Variants in CCDC120 observed in about 807,000 individuals in gnomAD.
The protein encoded by CCDC120 is coiled-coil domain-containing protein 120.
In CCDC120, 16 loss-of-function variants were observed where a neutral mutation model predicts 37.6. The ratio of observed to expected loss-of-function variants is 0.43; its 90% CI spans 0.29 to 0.65. CCDC120 has a LOEUF of 0.65. Ranked by LOEUF, CCDC120 falls within the 30% of genes least tolerant of loss-of-function variation. The probability of loss-of-function intolerance (pLI) is 0.18; values close to 1 mark genes in which losing one functional copy is unlikely to be tolerated. For synonymous variants in CCDC120, 309 were observed against 275.4 expected, an observed-to-expected ratio of 1.12 and a Z score of -1.21; for missense variants, 650 against 657.4, an observed-to-expected ratio of 0.99 and a Z score of 0.12.
intron 8 of CCDC120, 25 bp downstream of exon 8, chrX:49,065,653 C>T (rs1462456295): frequency 1.7e-6 from 2 of 1,205,884 alleles, no homozygotes; most frequent in Non-Finnish European, 2.2e-6. Flanking sequence ...CTCCTCCCCT[C>T]CGCAGGAGCT....
intron 1 of CCDC120, 160 bp from the exon 2 acceptor site, chrX:49,061,799 T>A: frequency 1.9e-6 from 1 of 536,901 alleles, no homozygotes; most frequent in Non-Finnish European, 2.9e-6. Context: ...CCTCTGTGCC[T>A]TCCTTTCCTC....
chrX:49,057,474 C>T (rs1406594404), upstream of CCDC120, among the ~76,000 whole-genome samples: 2 of 112,231 alleles, frequency 1.8e-5, no homozygotes, highest in African/African-American at 6.5e-5. Flanking sequence ...TCTTTGGTGG[C>T]CCATAAGAGG....
In CCDC120 at chrX:49,062,509, C is replaced by T. The variant is rs199599217; in HGVS notation, c.196C>T (p.Arg66Cys). 123 of 1,210,575 alleles carry T rather than the reference C, an allele frequency of 1.0e-4. No individual in the cohort carries two copies. The highest frequency in any genetic ancestry group is 1.3e-4 in the Non-Finnish European group (114 of 895,320). Residue 66 changes from arginine (R) to cysteine (C), a missense_variant, in exon 4 of 11, where the codon CGT (arginine) becomes TGT (cysteine). By Grantham distance (180) the Arg-to-Cys change is radical. Transcript: ENST00000603986. The part of the protein sequence containing the change: ...GEAAPQVKSE[R>C]LRGLLDRQRT... The stretch of plus-strand genomic sequence containing the variant: ...GGCTGCCCCCCAGGTGAAGTCAGAG[C>T]GTCTGCGGGGGCTGCTTGACCGGCA...
Position 49,064,579 on chromosome X carries a change from G to A in CCDC120, c.639G>A (p.Leu213=). Reference sequence around the variant, plus strand: ...GCCTTGGCCTCCCAGTGCTCCCGCTGCCCCAGCCACTGCCACTGTCCACGG... The same window carrying A: ...GCCTTGGCCTCCCAGTGCTCCCGCTACCCCAGCCACTGCCACTGTCCACGG... ...RARLGLPVLP[L]PQPLPLSTGS... Residue 213 remains leucine, a synonymous_variant, in exon 6 of 11, where the codon CTG becomes CTA. Transcript: ENST00000603986. 1 of 1,182,508 alleles carries A rather than the reference G, an allele frequency of 8.5e-7. No homozygotes were observed.
chrX:49,061,968 G>C lies in CCDC120; in HGVS notation c.-74G>C, dbSNP rs908819557. 52 of 1,134,795 alleles carry C rather than the reference G, an allele frequency of 4.6e-5. No individual in the cohort carries two copies. The African/African-American group carries it at 8.5e-4, about 19-fold the overall frequency. The allele number at this position is 1,134,795 out of a possible 1,213,427, so 93.5% of individuals were successfully genotyped here. ...AATTCTCCTTCCCCAGGCAAGACTC[G>C]TGGCTGTGACCCATGGGCCTCTGAG... On this transcript the variant is annotated 5_prime_UTR_variant, in exon 2 of 11. Coordinates refer to ENST00000603986, the MANE Select transcript of CCDC120 (RefSeq NM_001163321.4).
At chrX:49,065,352 T>C in intron 7 of CCDC120, 102 bp from the exon 8 acceptor site, 1 of 949,551 alleles carries the variant, frequency 1.1e-6, no homozygotes, top group Non-Finnish European at 1.4e-6. Context: ...GCTTAACCTG[T>C]CCCAGCACTT....
chrX:49,062,259 C>T lies in CCDC120; in HGVS notation c.88C>T (p.Pro30Ser). 8.3e-7 allele frequency: 1 copy of T among 1,210,630 alleles called. No homozygotes were observed. Among genetic ancestry groups the T allele is most frequent in the Non-Finnish European group, 1.1e-6 (1 of 894,933 alleles). Residue 30 changes from proline to serine, a missense_variant, in exon 3 of 11, where the codon CCT becomes TCT. Around this residue, in one of 3 missense-constraint regions of CCDC120, gnomAD observed 64 missense variants for 65.2 expected, o/e 0.98. Transcript: ENST00000603986. Reference protein sequence around the residue: ...ERTLSSHQPRPLDSTKMEVKG... With the variant: ...ERTLSSHQPRSLDSTKMEVKG... ...GACTTTGTCCAGCCATCAGCCACGGCCTCTCGACAGCACCAAGATGGAAGT... is the reference window on the plus strand; with the variant it reads ...GACTTTGTCCAGCCATCAGCCACGGTCTCTCGACAGCACCAAGATGGAAGT...
At chrX:49,060,427 C>CAAAAAAAAAAAA (rs58827125) in intron 1 of CCDC120, among the ~76,000 whole-genome samples, 768 of 42,072 alleles carry the variant, frequency 0.018, 80 homozygotes, top group East Asian at 0.074. Context: ...GCCCTATCTC[C>CAAAAAAAAAAAA]AAAAAAAAAA....
At position 49,061,973 on chromosome X, in the gene CCDC120, T is replaced by G. The variant is rs940253589; in HGVS notation, c.-69T>G. The stretch of plus-strand genomic sequence containing the variant: ...TCCTTCCCCAGGCAAGACTCGTGGC[T>G]GTGACCCATGGGCCTCTGAGGAGGC... On this transcript the variant is annotated 5_prime_UTR_variant, in exon 2 of 11. Transcript: ENST00000603986. 1 of 1,140,880 alleles carries G rather than the reference T, an allele frequency of 8.8e-7. No individual in the cohort carries two copies. The allele number at this position is 1,140,880 out of a possible 1,213,427, so 94.0% of individuals were successfully genotyped here. A position where few individuals can be genotyped will look rare whatever the true frequency, so the allele number is the denominator to read the frequency against.
rs2064946965 is a variant in CCDC120, at chrX:49,065,821, G to A, written c.1037G>A (p.Arg346Gln). The change falls in exon 9 of 11, where the codon CGG (arginine) becomes CAG (glutamine). Residue 346 changes from arginine to glutamine, a missense_variant. Transcript: ENST00000603986. ...GTGCCTGCCACCCCTGTCCTCACCC[G>A]GGGCGCTGGCCCCCAGCTCTGCAAG... ...RSVPATPVLT[R>Q]GAGPQLCKPE... 3 of 1,167,838 alleles carry A rather than the reference G, an allele frequency of 2.6e-6. No homozygotes were observed. Among genetic ancestry groups the A allele is most frequent in the South Asian group, 1.9e-5 (1 of 52,679 alleles).
chrX:49,067,660 C>T lies in CCDC120; in HGVS notation c.1546C>T (p.Leu516Phe), dbSNP rs372497726. The T allele has an allele frequency of 2.7e-5, 33 of 1,201,075 alleles. No individual in the cohort carries two copies. In the South Asian group the frequency reaches 4.8e-4, roughly 18 times the overall value. The change falls in exon 10 of 11, where the codon CTC (leucine) becomes TTC (phenylalanine). Residue 516 changes from leucine (L) to phenylalanine (F), a missense_variant. By Grantham distance (22) the Leu-to-Phe change is conservative. Transcript: ENST00000603986. ...AGGACCCCTCTCCCGCCGGGATGGGCTCCTCACCATGCTCCCCGGCCCACC... is the reference window on the plus strand; with the variant it reads ...AGGACCCCTCTCCCGCCGGGATGGGTTCCTCACCATGCTCCCCGGCCCACC... ...VPGPLSRRDG[L>F]LTMLPGPPPV...
chrX:49,068,364 C>T, intron 10 of CCDC120, 180 bp from the exon 11 acceptor site: 1 of 1,058,851 alleles, frequency 9.4e-7, no homozygotes, highest in Non-Finnish European at 1.2e-6. Context: ...AGGGACATCT[C>T]ATGCCCCTTG....
At chrX:49,065,321 GCCTTAGTT>G in intron 7 of CCDC120, 125 bp from the exon 8 acceptor site, 1 of 781,402 alleles carries the variant, frequency 1.3e-6, no homozygotes, top group Non-Finnish European at 1.8e-6. Context: ...CTACTTGTCA[GCCTTAGTT>G]CCTCCTCAGC....
rs1557080565 is a variant in CCDC120, at chrX:49,064,615, C to T, written c.675C>T (p.Ile225=). 1 of 1,195,804 alleles carries T rather than the reference C, an allele frequency of 8.4e-7. No individual in the cohort carries two copies. The highest frequency in any genetic ancestry group is 3.0e-5 in the East Asian group (1 of 33,079). ...QPLPLSTGSV[I]TTQGVCLGMR... ...TGCCACTGTCCACGGGGTCAGTGAT[C>T]ACCACCCAGGGAGTCTGCCTGGGCA... Residue 225 remains isoleucine (I), a synonymous_variant, in exon 6 of 11, where the codon ATC becomes ATT. Transcript: ENST00000603986.
At chrX:49,068,128 T>C in intron 10 of CCDC120, 38 bp downstream of exon 10, 4 of 1,146,959 alleles carry the variant, frequency 3.5e-6, no homozygotes, top group Non-Finnish European at 3.5e-6. Flanking sequence ...AGGGGTCTCG[T>C]AAGGCAGATG....
At chrX:49,059,176 C>T (rs2064853424) in intron 1 of CCDC120, 81 bp downstream of exon 1, 1 of 142,449 alleles carries the variant, frequency 7.0e-6, no homozygotes, top group Non-Finnish European at 1.2e-5. Flanking sequence ...ACTGAAGTTC[C>T]CTTCGGTAGA....
At chrX:49,064,262 G>A in intron 5 of CCDC120, 108 bp from the exon 6 acceptor site, 1 of 909,687 alleles carries the variant, frequency 1.1e-6, no homozygotes, top group East Asian at 3.4e-5. Flanking sequence ...CCTCCCCGGG[G>A]TGAATAGGTC....
Position 49,068,863 on chromosome X carries a change from G to C in CCDC120, c.*205G>C, listed in dbSNP as rs782128108. The stretch of plus-strand genomic sequence containing the variant: ...TCTCACACTGTGCTGGGGACTGGGG[G>C]CCCTCAGCTAGCTTAAAAGAGGGGG... On this transcript the variant is annotated 3_prime_UTR_variant, in exon 11 of 11. Coordinates refer to ENST00000603986, the MANE Select transcript of CCDC120 (RefSeq NM_001163321.4). 6 of 312,101 alleles carry C rather than the reference G, an allele frequency of 1.9e-5. No individual in the cohort carries two copies. The South Asian group carries it at 1.0e-3, about 53-fold the overall frequency. 25.7% of individuals were successfully genotyped at this position (312,101 alleles called of 1,213,427 possible).
chrX:49,065,538 G>T lies in CCDC120; in HGVS notation c.872G>T (p.Ser291Ile), dbSNP rs782063710. ...WDQLRAVSGG[S>I]PERRTPWKPP... The stretch of plus-strand genomic sequence containing the variant: ...CAGCTGCGGGCAGTATCTGGGGGGA[G>T]CCCTGAGCGGCGAACCCCATGGAAA... Residue 291 changes from serine (S) to isoleucine (I), a missense_variant, in exon 8 of 11, where the codon AGC (serine) becomes ATC (isoleucine). Physicochemically the swap from Ser to Ile is moderately radical, Grantham distance 142 (BLOSUM62 -2). This residue lies in a region of CCDC120 where 576 missense variants were observed against 565.3 expected (regional missense o/e 1.02). Coordinates refer to ENST00000603986, the MANE Select transcript of CCDC120 (RefSeq NM_001163321.4). The T allele has an allele frequency of 8.3e-7, 1 of 1,210,864 alleles. No individual in the cohort carries two copies. The highest frequency in any genetic ancestry group is 3.0e-5 in the East Asian group (1 of 33,822).
Sources: gnomAD v4.1 joint callset for allele counts (sites outside exome capture counted in the v4.1 genomes callset) on GRCh38, gnomAD v4.1.1 for gene constraint, gnomAD v4.1.1 regional missense constraint, MANE v1.5 for transcripts, NCBI Gene and HGNC (gene_info 2026-07-23, HGNC 2026-07-21) for gene names.